The following HS6ST2 variants were observed in gnomAD, a reference collection of about 807,000 sequenced individuals.
HS6ST2 encodes the protein heparan sulfate 6-O-sulfotransferase 2.
Under a neutral mutation model 33.0 loss-of-function variants are expected in HS6ST2, and 17 were observed. That is an observed-to-expected ratio of 0.52 (90% confidence interval 0.35 to 0.77). The LOEUF (loss-of-function observed/expected upper bound fraction) is 0.77. HS6ST2 is among the 30% of genes least tolerant of loss of function. HS6ST2 has a pLI of 0.01. For synonymous variants in HS6ST2, 248 were observed against 237.1 expected, an observed-to-expected ratio of 1.05 and a Z score of -0.42; for missense variants, 519 against 551.7, an observed-to-expected ratio of 0.94 and a Z score of 0.59.
intron 2 of HS6ST2, among the ~76,000 whole-genome samples, chrX:132,775,595 A>G (rs1357751069): frequency 9.0e-6 from 1 of 111,645 alleles, no homozygotes; most frequent in Non-Finnish European, 1.9e-5. Context: ...CTTCTTTCCT[A>G]TATAAACTGA....
intron 2 of HS6ST2, among the ~76,000 whole-genome samples, chrX:132,868,557 G>T (rs749369456): frequency 1.8e-5 from 2 of 111,929 alleles, no homozygotes; most frequent in South Asian, 3.7e-4. Flanking sequence ...AAATGCAAAA[G>T]AACAGAAATC....
intron 4 of HS6ST2, among the ~76,000 whole-genome samples, chrX:132,664,335 A>G (rs1004455713): frequency 3.6e-5 from 4 of 112,085 alleles, no homozygotes; most frequent in African/African-American, 1.3e-4. Flanking sequence ...AAAGCTGAAA[A>G]GTTTTTCATT....
intron 2 of HS6ST2, among the ~76,000 whole-genome samples, chrX:132,898,302 CT>C (rs1365574928): frequency 2.8e-4 from 30 of 107,015 alleles, no homozygotes; most frequent in Non-Finnish European, 9.6e-5. Context: ...CAAATGTTTT[CT>C]CTTCTAGATG....
intron 2 of HS6ST2, among the ~76,000 whole-genome samples, chrX:132,745,737 A>G (rs1157153768): frequency 8.9e-6 from 1 of 112,098 alleles, no homozygotes; most frequent in Non-Finnish European, 1.9e-5. Context: ...AGAAGAGAAC[A>G]CATTATCACC....
At chrX:132,956,589 G>C (rs1218281832) in intron 2 of HS6ST2, among the ~76,000 whole-genome samples, 1 of 112,645 alleles carries the variant, frequency 8.9e-6, no homozygotes. Context: ...GCCACCCTGC[G>C]GACAGACAGA....
At chrX:132,942,860 C>A (rs2066901545) in intron 2 of HS6ST2, among the ~76,000 whole-genome samples, 1 of 111,929 alleles carries the variant, frequency 8.9e-6, no homozygotes, top group Non-Finnish European at 1.9e-5. Flanking sequence ...ATTCTTTGGC[C>A]TCTTACAAAT....
At chrX:132,652,393 G>T (rs938170557) in intron 4 of HS6ST2, among the ~76,000 whole-genome samples, 2 of 111,602 alleles carry the variant, frequency 1.8e-5, no homozygotes, top group African/African-American at 6.5e-5. Flanking sequence ...GCTGAAAAAG[G>T]CACAACTATA....
intron 2 of HS6ST2, among the ~76,000 whole-genome samples, chrX:132,924,950 G>A (rs749265132): frequency 9.0e-5 from 10 of 111,265 alleles, no homozygotes; most frequent in African/African-American, 2.6e-4. Context: ...AAGTGAGACC[G>A]TGCGCCTGTG....
intron 2 of HS6ST2, among the ~76,000 whole-genome samples, chrX:132,915,732 C>CT (rs146550837): frequency 3.8e-3 from 390 of 102,375 alleles, no homozygotes; most frequent in African/African-American, 9.7e-3. Context: ...TCATTGGTAA[C>CT]TTTTTTTTTT....
intron 2 of HS6ST2, among the ~76,000 whole-genome samples, chrX:132,773,186 T>A (rs1429569278): frequency 9.9e-6 from 1 of 100,628 alleles, no homozygotes; most frequent in Admixed American, 1.2e-4. Context: ...TATTAATGCA[T>A]ATTATAAATA....
At chrX:132,815,324 T>C (rs2065384623) in intron 2 of HS6ST2, among the ~76,000 whole-genome samples, 1 of 112,206 alleles carries the variant, frequency 8.9e-6, no homozygotes, top group African/African-American at 3.2e-5. Flanking sequence ...TTTTAAGTAC[T>C]TCATATAGAA....
intron 2 of HS6ST2, among the ~76,000 whole-genome samples, chrX:132,873,224 C>T (rs192685537): frequency 2.2e-4 from 25 of 111,850 alleles, no homozygotes; most frequent in Middle Eastern, 4.7e-3. Flanking sequence ...AGGCTCGATG[C>T]TCCACTCACT....
At chrX:132,667,280 C>A (rs2063816645) in intron 4 of HS6ST2, among the ~76,000 whole-genome samples, 1 of 111,666 alleles carries the variant, frequency 9.0e-6, no homozygotes, top group Non-Finnish European at 1.9e-5. Context: ...TTTTCACTAA[C>A]AACCAATAAA....
chrX:132,888,058 T>C (rs758368332), intron 2 of HS6ST2, among the ~76,000 whole-genome samples: 2 of 111,707 alleles, frequency 1.8e-5, no homozygotes, highest in African/African-American at 3.3e-5. Context: ...TTTTGTGGGG[T>C]AATGGAAGTG....
chrX:132,823,340 T>C (rs1437158622), intron 2 of HS6ST2, among the ~76,000 whole-genome samples: 2 of 110,939 alleles, frequency 1.8e-5, no homozygotes, highest in Admixed American at 9.6e-5. Flanking sequence ...AATTATATAG[T>C]GGTGAATTCT....
At chrX:132,826,651 TTA>T (rs200951575) in intron 2 of HS6ST2, among the ~76,000 whole-genome samples, 3 of 108,905 alleles carry the variant, frequency 2.8e-5, no homozygotes, top group Admixed American at 9.8e-5. Flanking sequence ...ATAGCTCACA[TTA>T]TATATATATA....
In HS6ST2 at chrX:132,645,881, A is replaced by T. The variant is rs543035063; in HGVS notation, c.1068-16788T>A. On this transcript the variant is annotated intron_variant, in intron 4 of 4. Coordinates refer to ENST00000370833, the MANE Select transcript of HS6ST2 (RefSeq NM_001394073.1). ...CTAAAAAGTTCTTTATAGCAAATAT[A>T]TATTTATTTTTAACAAAACACATCT... Among the ~76,000 whole-genome samples the T allele has an allele frequency of 2.3e-4, 26 of 112,425 alleles. No individual in the cohort carries two copies. In the South Asian group the frequency reaches 7.8e-3, roughly 34 times the overall value.
rs774177926 is a variant in HS6ST2 at position 132,823,853 on chromosome X, A to AAAAAAT, written c.948-115360_948-115359insATTTTT. On this transcript the variant is annotated intron_variant, in intron 2 of 4. Coordinates refer to ENST00000370833, the MANE Select transcript of HS6ST2 (RefSeq NM_001394073.1). Reference sequence around the variant, plus strand: ...CTGGGCAAGAGTGAGACTTCATAAAAAATAATAATAATAATAATAATAATA... The same window carrying AAAAAAT: ...CTGGGCAAGAGTGAGACTTCATAAAAAAAAATAATAATAATAATAATAATAATAATA... Among the ~76,000 whole-genome samples, 221 of 92,512 alleles carry AAAAAAT rather than the reference A, an allele frequency of 2.4e-3. 2 individuals are homozygous for AAAAAAT. The highest frequency in any genetic ancestry group is 8.5e-3 in the African/African-American group (210 of 24,808). The allele number at this position is 92,512 out of a possible 115,157, so 80.3% of individuals were successfully genotyped here. A position where few individuals can be genotyped will look rare whatever the true frequency, so the allele number is the denominator to read the frequency against.
chrX:132,920,503 C>T (rs746412690), intron 2 of HS6ST2, among the ~76,000 whole-genome samples: 4 of 111,887 alleles, frequency 3.6e-5, no homozygotes, highest in South Asian at 3.8e-4. Flanking sequence ...AATTGTTGAT[C>T]GATGTACACT....
Sources: allele counts gnomAD v4.1 joint callset (sites outside exome capture counted in the v4.1 genomes callset), GRCh38; gene constraint gnomAD v4.1.1; transcripts MANE v1.5; gene names NCBI Gene and HGNC (gene_info 2026-07-23, HGNC 2026-07-21).